The following RNF128 variants were observed in gnomAD, a reference collection of about 807,000 sequenced individuals.
RNF128 encodes the protein ring finger protein 128, also known as E3 ubiquitin-protein ligase RNF128.
RNF128 carries 13 observed loss-of-function variants against 26.2 expected under a neutral mutation model. The ratio of observed to expected loss-of-function variants is 0.50; its 90% CI spans 0.32 to 0.79. RNF128 has a LOEUF of 0.79. Ranked by LOEUF, RNF128 falls within the 30% of genes least tolerant of loss-of-function variation. The pLI, the probability that RNF128 is intolerant of heterozygous loss-of-function variation, is 0.03. For synonymous variants in RNF128, 149 were observed against 142.5 expected, an observed-to-expected ratio of 1.05 and a Z score of -0.32; for missense variants, 315 against 349.7, an observed-to-expected ratio of 0.90 and a Z score of 0.79.
chrX:106,715,909 C>T (rs1929208880), intron 1 of RNF128, among the ~76,000 whole-genome samples: 1 of 111,352 alleles, frequency 9.0e-6, no homozygotes, highest in Non-Finnish European at 1.9e-5. Context: ...CCTACAATGA[C>T]AGTCCACTGC....
In RNF128 at chrX:106,791,167, A is replaced by T; in HGVS notation, c.1086A>T (p.Ala362=). The T allele has an allele frequency of 8.3e-7, 1 of 1,210,139 alleles. No individual in the cohort carries two copies. The highest frequency in any genetic ancestry group is 1.1e-6 in the Non-Finnish European group (1 of 894,362). The change falls in exon 6 of 7, where the codon GCA becomes GCT. Residue 362 remains alanine, a synonymous_variant. Coordinates refer to ENST00000255499, the MANE Select transcript of RNF128 (RefSeq NM_194463.2). ...AAGAGGATAATCGCAGCGAGACCGC[A>T]TCATCTGGATATGCTTCAGTACAGG... ...SHEEDNRSET[A]SSGYASVQGT...
At chrX:106,783,427 A>G (rs947147465) in intron 2 of RNF128, among the ~76,000 whole-genome samples, 7 of 111,394 alleles carry the variant, frequency 6.3e-5, no homozygotes, top group Non-Finnish European at 1.3e-4. Context: ...AGTATCTGCT[A>G]TATGCCAGAC....
At chrX:106,786,451 T>C (rs1184075118) in intron 3 of RNF128, among the ~76,000 whole-genome samples, 1 of 111,723 alleles carries the variant, frequency 9.0e-6, no homozygotes, top group Admixed American at 9.6e-5. Flanking sequence ...TATGTAAACA[T>C]TATTTCAATA....
chrX:106,762,427 C>T (rs1930135014), intron 1 of RNF128, among the ~76,000 whole-genome samples: 1 of 109,804 alleles, frequency 9.1e-6, no homozygotes, highest in African/African-American at 3.3e-5. Flanking sequence ...GATTCTCCTG[C>T]CTCAGCCTCC....
chrX:106,706,152 G>A (rs1387144625), intron 1 of RNF128, among the ~76,000 whole-genome samples: 1 of 111,453 alleles, frequency 9.0e-6, no homozygotes, highest in African/African-American at 3.3e-5. Flanking sequence ...CCCCTGGGTT[G>A]CTATTAATTC....
intron 4 of RNF128, among the ~76,000 whole-genome samples, chrX:106,789,051 T>G (rs1406882409): frequency 5.9e-5 from 5 of 85,241 alleles, no homozygotes; most frequent in Non-Finnish European, 1.1e-4. Flanking sequence ...ATATTATCTA[T>G]TATATAGTAT....
chrX:106,724,838 T>C (rs1276965785), upstream of RNF128, among the ~76,000 whole-genome samples: 1 of 112,054 alleles, frequency 8.9e-6, no homozygotes, highest in Non-Finnish European at 1.9e-5. Context: ...TTACTTGTCC[T>C]TCTCATCAAA....
intron 1 of RNF128, among the ~76,000 whole-genome samples, chrX:106,765,253 TTTAAA>T (rs1260002685): frequency 5.4e-5 from 6 of 112,025 alleles, no homozygotes; most frequent in Admixed American, 9.5e-5. Context: ...GAATAAAATG[TTTAAA>T]TTAATAACTT....
At chrX:106,758,401 A>G (rs1420186869) in intron 1 of RNF128, among the ~76,000 whole-genome samples, 1 of 111,980 alleles carries the variant, frequency 8.9e-6, no homozygotes, top group African/African-American at 3.2e-5. Context: ...TATAATACCA[A>G]TGACATCATT....
chrX:106,756,656 C>T (rs1930016270), intron 1 of RNF128, among the ~76,000 whole-genome samples: 1 of 109,954 alleles, frequency 9.1e-6, no homozygotes, highest in Admixed American at 9.7e-5. Context: ...CTAGGCATTA[C>T]CATTCAGGAC....
At chrX:106,715,675 T>C (rs967735498) in intron 1 of RNF128, among the ~76,000 whole-genome samples, 1 of 111,938 alleles carries the variant, frequency 8.9e-6, no homozygotes, top group Non-Finnish European at 1.9e-5. Context: ...GGTATCAGAT[T>C]CAATAATTTC....
At position 106,742,050 on chromosome X, in the gene RNF128, G is replaced by A. The variant is rs185023082; in HGVS notation, c.484+14653G>A. 2.0e-3 allele frequency among the ~76,000 whole-genome samples: 220 copies of A among 111,838 alleles called. 1 individual carries two copies. Among genetic ancestry groups the A allele is most frequent in the Non-Finnish European group, 3.1e-3 (167 of 53,136 alleles). ...GAAATGTTTCATTAGTAGCCATGAG[G>A]AGAATGAATTAGAAGTCTAAGACTG... On this transcript the variant is annotated intron_variant, in intron 1 of 6. Transcript: ENST00000255499.
At chrX:106,751,650 G>A (rs1417789351) in intron 1 of RNF128, among the ~76,000 whole-genome samples, 4 of 110,338 alleles carry the variant, frequency 3.6e-5, no homozygotes, top group Non-Finnish European at 7.6e-5. Flanking sequence ...AGATTAAAGT[G>A]GACTTTGTCT....
At chrX:106,765,115 G>C (rs1930195128) in intron 1 of RNF128, among the ~76,000 whole-genome samples, 1 of 111,958 alleles carries the variant, frequency 8.9e-6, no homozygotes, top group Non-Finnish European at 1.9e-5. Flanking sequence ...AACAAGGTGA[G>C]TCATTAATCT....
At chrX:106,715,369 T>A (rs934100963) in intron 1 of RNF128, among the ~76,000 whole-genome samples, 6 of 112,714 alleles carry the variant, frequency 5.3e-5, no homozygotes, top group Admixed American at 9.4e-5. Flanking sequence ...TGTTTATTCA[T>A]GTCTTTTATA....
intron 2 of RNF128, among the ~76,000 whole-genome samples, chrX:106,777,119 G>A (rs1000597344): frequency 4.5e-5 from 5 of 111,341 alleles, no homozygotes; most frequent in African/African-American, 1.6e-4. Context: ...TGTAATACTG[G>A]TATTGTTAGT....
At chrX:106,747,993 TAATG>T (rs1353096235) in intron 1 of RNF128, among the ~76,000 whole-genome samples, 1 of 111,612 alleles carries the variant, frequency 9.0e-6, no homozygotes, top group African/African-American at 3.3e-5. Flanking sequence ...GTAAAACACT[TAATG>T]AATGAAATTA....
At chrX:106,761,471 A>G (rs1307613620) in intron 1 of RNF128, among the ~76,000 whole-genome samples, 2 of 111,682 alleles carry the variant, frequency 1.8e-5, no homozygotes, top group South Asian at 3.8e-4. Context: ...ATAAAGACAC[A>G]TGCACATGTA....
chrX:106,795,775 T>C lies in RNF128; in HGVS notation c.*62T>C, dbSNP rs1930906321. The stretch of plus-strand genomic sequence containing the variant: ...AACAGAACTGCCAATCAGGGCCTAG[T>C]TTCTATTAATAAATTGGATAAATTT... On this transcript the variant is annotated 3_prime_UTR_variant, in exon 7 of 7. Transcript: ENST00000255499. 1 of 933,138 alleles carries C rather than the reference T, an allele frequency of 1.1e-6. No individual in the cohort carries two copies. The highest frequency in any genetic ancestry group is 2.0e-5 in the African/African-American group (1 of 50,144). The allele number at this position is 933,138 out of a possible 1,213,427, so 76.9% of individuals were successfully genotyped here.
Sources: gnomAD v4.1 joint callset for allele counts (sites outside exome capture counted in the v4.1 genomes callset) on GRCh38, gnomAD v4.1.1 for gene constraint, MANE v1.5 for transcripts, NCBI Gene and HGNC (gene_info 2026-07-23, HGNC 2026-07-21) for gene names.